The following RBM20 variants were observed in gnomAD, a reference collection of about 807,000 sequenced individuals.
The protein encoded by RBM20 is RNA binding motif protein 20, also known as RNA-binding protein 20.
Under a neutral mutation model 110.1 loss-of-function variants are expected in RBM20, and 51 were observed. That is an observed-to-expected ratio of 0.46 (90% CI 0.37 to 0.59). RBM20 has a LOEUF of 0.59. Ranked by LOEUF, RBM20 falls within the 20% of genes least tolerant of loss-of-function variation. The pLI is 0.00. For synonymous variants in RBM20, 589 were observed against 618.2 expected, an observed-to-expected ratio of 0.95 and a Z score of 0.70; for missense variants, 1,512 against 1,574.9, an observed-to-expected ratio of 0.96 and a Z score of 0.68.
intron 1 of RBM20, among the ~76,000 whole-genome samples, chr10:110,663,661 C>G (rs10509924): frequency 0.22 from 33,931 of 152,058 alleles, 4,713 homozygotes; most frequent in Middle Eastern, 0.34. Flanking sequence ...TTCACATGGA[C>G]AAAAGTAATC....
intron 1 of RBM20, among the ~76,000 whole-genome samples, chr10:110,665,417 G>T (rs956084238): frequency 2.0e-5 from 3 of 152,124 alleles, no homozygotes; most frequent in Admixed American, 2.0e-4. Flanking sequence ...AAAATACAAG[G>T]GATGCAGGAA....
At chr10:110,771,148 T>G (rs1255936180) in intron 1 of RBM20, among the ~76,000 whole-genome samples, 2 of 152,070 alleles carry the variant, frequency 1.3e-5, no homozygotes, top group Non-Finnish European at 2.9e-5. Flanking sequence ...GATAAATTTT[T>G]TTTTGGTTTT....
At chr10:110,756,068 C>G (rs889832403) in intron 1 of RBM20, among the ~76,000 whole-genome samples, 2 of 152,202 alleles carry the variant, frequency 1.3e-5, no homozygotes, top group African/African-American at 4.8e-5. Flanking sequence ...TGACTGTGGC[C>G]ATGGCTCAGG....
At chr10:110,700,964 G>A (rs189243798) in intron 1 of RBM20, among the ~76,000 whole-genome samples, 1 of 152,244 alleles carries the variant, frequency 6.6e-6, no homozygotes, top group Non-Finnish European at 1.5e-5. Flanking sequence ...GCAGTGAGCC[G>A]AGTTCATGCC....
At chr10:110,768,046 AG>A (rs1453221879) in intron 1 of RBM20, among the ~76,000 whole-genome samples, 1 of 152,240 alleles carries the variant, frequency 6.6e-6, no homozygotes, top group East Asian at 1.9e-4. Flanking sequence ...CGGCCAACAC[AG>A]CGAAACCCCG....
intron 1 of RBM20, among the ~76,000 whole-genome samples, chr10:110,651,225 C>T (rs1861941735): frequency 6.6e-6 from 1 of 152,148 alleles, no homozygotes; most frequent in Admixed American, 6.5e-5. Context: ...GAATATGTCC[C>T]ACATCAATTA....
At chr10:110,733,402 G>A (rs549275780) in intron 1 of RBM20, among the ~76,000 whole-genome samples, 2 of 152,346 alleles carry the variant, frequency 1.3e-5, no homozygotes, top group Admixed American at 1.3e-4. Context: ...TGTATGGCTG[G>A]GAGGATTGAC....
chr10:110,677,577 C>G (rs1862357779), intron 1 of RBM20, among the ~76,000 whole-genome samples: 1 of 152,182 alleles, frequency 6.6e-6, no homozygotes, highest in South Asian at 2.1e-4. Flanking sequence ...CTTGGCCTCC[C>G]AAAGTGCTGG....
chr10:110,671,186 C>A (rs761132572), intron 1 of RBM20, among the ~76,000 whole-genome samples: 4 of 152,256 alleles, frequency 2.6e-5, no homozygotes, highest in Non-Finnish European at 4.4e-5. Context: ...TACCTCCTCA[C>A]TGAGCTGACT....
intron 4 of RBM20, 144 bp from the exon 5 acceptor site, chr10:110,784,648 A>C (rs931511202): frequency 7.0e-6 from 5 of 710,152 alleles, no homozygotes; most frequent in South Asian, 3.4e-5. Flanking sequence ...GCTGATTATC[A>C]GCATGTCCAG....
Position 110,691,550 on chromosome 10 carries a change from T to A in RBM20, c.191+46905T>A, listed in dbSNP as rs145165655. On this transcript the variant is annotated intron_variant, in intron 1 of 13. Coordinates refer to ENST00000369519, the MANE Select transcript of RBM20 (RefSeq NM_001134363.3). ...ACCAATGAGGTTGAGCATCTTTTCA[T>A]GTGCTTATTGGACACTTGTATATCT... 5.2e-5 allele frequency among the ~76,000 whole-genome samples: 8 copies of A among 152,382 alleles called. No homozygotes were observed. In the East Asian group the frequency reaches 1.4e-3, roughly 26 times the overall value.
intron 1 of RBM20, among the ~76,000 whole-genome samples, chr10:110,693,779 A>G (rs1862622976): frequency 6.6e-6 from 1 of 152,228 alleles, no homozygotes; most frequent in African/African-American, 2.4e-5. Context: ...ATTTGTGTAT[A>G]AGATTATCAG....
At chr10:110,662,186 G>A (rs1360220893) in intron 1 of RBM20, among the ~76,000 whole-genome samples, 1 of 152,172 alleles carries the variant, frequency 6.6e-6, no homozygotes, top group Admixed American at 6.5e-5. Context: ...GAAGGGCTGT[G>A]AAGGGATGAG....
intron 1 of RBM20, among the ~76,000 whole-genome samples, chr10:110,729,890 A>G (rs1843602487): frequency 6.6e-6 from 1 of 152,180 alleles, no homozygotes; most frequent in African/African-American, 2.4e-5. Context: ...ACCTCGGCTC[A>G]CTGCGACCTA....
At chr10:110,773,348 G>T (rs1844218880) in intron 1 of RBM20, among the ~76,000 whole-genome samples, 1 of 152,136 alleles carries the variant, frequency 6.6e-6, no homozygotes, top group South Asian at 2.1e-4. Context: ...AGTCTCAAAG[G>T]GGGCTTCAGC....
chr10:110,709,764 G>C (rs1000750788), intron 1 of RBM20, among the ~76,000 whole-genome samples: 22 of 151,510 alleles, frequency 1.5e-4, no homozygotes, highest in Non-Finnish European at 2.2e-4. Flanking sequence ...GAGATGGGGG[G>C]TCTCATTTTG....
At chr10:110,676,924 AT>A (rs1462296562) in intron 1 of RBM20, among the ~76,000 whole-genome samples, 1 of 152,236 alleles carries the variant, frequency 6.6e-6, no homozygotes, top group Admixed American at 6.5e-5. Flanking sequence ...GAATTTTAAA[AT>A]TTTCAAGTAA....
chr10:110,683,567 G>A (rs1453845713), intron 1 of RBM20, among the ~76,000 whole-genome samples: 2 of 152,172 alleles, frequency 1.3e-5, no homozygotes, highest in Non-Finnish European at 2.9e-5. Flanking sequence ...TTATTTAAGA[G>A]TTTAAAACCT....
intron 5 of RBM20, among the ~76,000 whole-genome samples, chr10:110,788,684 A>G (rs1311893829): frequency 6.6e-6 from 1 of 152,234 alleles, no homozygotes; most frequent in Non-Finnish European, 1.5e-5. Flanking sequence ...ACAAGCTGAG[A>G]AATGGAGAAA....
Sources: allele counts gnomAD v4.1 joint callset (sites outside exome capture counted in the v4.1 genomes callset), GRCh38; gene constraint gnomAD v4.1.1; transcripts MANE v1.5; gene names NCBI Gene and HGNC (gene_info 2026-07-23, HGNC 2026-07-21).